Variants in GLIS3 observed in about 807,000 individuals in gnomAD.
GLIS3 encodes zinc finger protein GLIS3.
In GLIS3, 53 loss-of-function variants were observed where a neutral mutation model predicts 78.6. The ratio of observed to expected loss-of-function variants is 0.67; its 90% CI spans 0.54 to 0.85. GLIS3 has a LOEUF of 0.85. GLIS3 is among the 40% of genes least tolerant of loss of function. GLIS3 has a pLI of 0.00. For synonymous variants in GLIS3, 684 were observed against 509.9 expected (o/e 1.34, Z -4.60); for missense variants, 1,703 against 1,231.1 (o/e 1.38, Z -5.74).
intron 9 of GLIS3, among the ~76,000 whole-genome samples, chr9:3,830,782 C>G (rs2129955465): frequency 6.6e-6 from 1 of 152,270 alleles, no homozygotes; most frequent in African/African-American, 2.4e-5. Context: ...AAATGAACCA[C>G]CTATCAAAAG....
intron 1 of GLIS3, among the ~76,000 whole-genome samples, chr9:4,295,474 G>C (rs1816397281): frequency 6.6e-6 from 1 of 152,126 alleles, no homozygotes; most frequent in South Asian, 2.1e-4. Flanking sequence ...CAAATTATTT[G>C]ACCTAATAAA....
At chr9:4,334,122 G>C (rs1388385647) in intron 2 of GLIS3, among the ~76,000 whole-genome samples, 1 of 152,188 alleles carries the variant, frequency 6.6e-6, no homozygotes, top group African/African-American at 2.4e-5. Flanking sequence ...TTCTGACTGA[G>C]CAGTGAGATC....
At chr9:4,208,270 TA>T (rs1820057486) in intron 2 of GLIS3, among the ~76,000 whole-genome samples, 1 of 152,226 alleles carries the variant, frequency 6.6e-6, no homozygotes, top group South Asian at 2.1e-4. Context: ...GGAGATCTGA[TA>T]ATTAAGCGGC....
At chr9:3,958,323 G>A (rs1439233427) in intron 4 of GLIS3, among the ~76,000 whole-genome samples, 1 of 151,906 alleles carries the variant, frequency 6.6e-6, no homozygotes, top group African/African-American at 2.4e-5. Context: ...CTATGCCATG[G>A]GCCAGACGCT....
chr9:4,358,574 G>A, the GLIS3 span, among the ~76,000 whole-genome samples: 1 of 152,166 alleles, frequency 6.6e-6, no homozygotes, highest in South Asian at 2.1e-4. Flanking sequence ...GGCCCAAGAA[G>A]AGAAAATATT....
chr9:3,824,346 T>G lies in GLIS3; in HGVS notation c.*3926A>C, dbSNP rs961589585. ...CTCCCGCATCATCTGCCTTTAATTA[T>G]AATTACCATTCCCAGTATGTAAGAG... is the stretch of plus-strand genomic sequence containing the variant. On this transcript the variant is annotated 3_prime_UTR_variant, in exon 11 of 11. Transcript: ENST00000381971. 1.3e-5 allele frequency: 2 copies of G among 152,612 alleles called. No homozygotes were observed. The highest frequency in any genetic ancestry group is 6.5e-5 in the Admixed American group (1 of 15,290). 9.5% of individuals were successfully genotyped at this position (152,612 alleles called of 1,614,324 possible).
chr9:3,912,381 G>C (rs562238142), intron 6 of GLIS3, among the ~76,000 whole-genome samples: 2 of 152,246 alleles, frequency 1.3e-5, no homozygotes, highest in African/African-American at 4.8e-5. Context: ...AATGTAGCCA[G>C]TGTTCACCCT....
chr9:3,873,378 G>C (rs1042802821), intron 8 of GLIS3, among the ~76,000 whole-genome samples: 6 of 152,056 alleles, frequency 3.9e-5, no homozygotes, highest in Non-Finnish European at 8.8e-5. Context: ...AACAGGACAA[G>C]TGCGATTTAT....
At chr9:4,351,247 G>C (rs975077108), upstream of GLIS3, among the ~76,000 whole-genome samples, 16 of 152,006 alleles carry the variant, frequency 1.1e-4, 1 homozygote, top group Non-Finnish European at 1.5e-4. Flanking sequence ...TGTCTCAAAA[G>C]AAACAAACAA....
At chr9:4,348,526 C>T (rs983591729), upstream of GLIS3, 2 of 152,164 alleles carry the variant, frequency 1.3e-5, no homozygotes, top group African/African-American at 2.4e-5. Context: ...GGCCAGAACT[C>T]GGTCAATGGC....
At chr9:4,478,346 A>C in the GLIS3 span, among the ~76,000 whole-genome samples, 7 of 152,164 alleles carry the variant, frequency 4.6e-5, no homozygotes, top group East Asian at 7.7e-4. Flanking sequence ...AGTGGCTCAG[A>C]CCTGTATGTA....
intron 4 of GLIS3, among the ~76,000 whole-genome samples, chr9:4,100,540 A>G (rs1266003172): frequency 6.6e-6 from 1 of 152,202 alleles, no homozygotes; most frequent in Admixed American, 6.5e-5. Flanking sequence ...GAATAACCAA[A>G]TTCAAAAGGA....
chr9:4,349,422 G>A (rs529917905), upstream of GLIS3, among the ~76,000 whole-genome samples: 3 of 152,036 alleles, frequency 2.0e-5, no homozygotes, highest in East Asian at 3.9e-4. Flanking sequence ...TTGTATCCTG[G>A]CATGCACATT....
intron 4 of GLIS3, among the ~76,000 whole-genome samples, chr9:4,080,091 CA>C (rs1297771493): frequency 2.6e-5 from 4 of 152,236 alleles, no homozygotes; most frequent in African/African-American, 4.8e-5. Context: ...TTGTCAAATT[CA>C]ATGACTAACT....
intron 2 of GLIS3, among the ~76,000 whole-genome samples, chr9:4,169,094 T>C (rs1764312565): frequency 6.6e-6 from 1 of 152,166 alleles, no homozygotes; most frequent in Non-Finnish European, 1.5e-5. Flanking sequence ...TGTCTCTACA[T>C]TTTAGGAGTC....
At chr9:4,211,311 T>G (rs1306628716) in intron 2 of GLIS3, among the ~76,000 whole-genome samples, 1 of 152,240 alleles carries the variant, frequency 6.6e-6, no homozygotes, top group African/African-American at 2.4e-5. Context: ...TAATTCTCAC[T>G]GGATGGCTGT....
At chr9:4,007,728 C>T (rs934160236) in intron 4 of GLIS3, among the ~76,000 whole-genome samples, 1 of 152,230 alleles carries the variant, frequency 6.6e-6, no homozygotes, top group South Asian at 2.1e-4. Flanking sequence ...AGATCACACA[C>T]ACAAATGTAA....
chr9:4,118,231 C>T lies in GLIS3; in HGVS notation c.1247G>A (p.Gly416Asp), dbSNP rs1421994640. ...GLVNHMVVQHGLPGPDSQSAG... is the reference protein window; with the variant it reads ...GLVNHMVVQHDLPGPDSQSAG... Reference sequence around the variant, plus strand: ...CGACTGGCTGTCGGGGCCCGGCAGGCCATGCTGCACCACCATGTGGTTGAC... The same window carrying T: ...CGACTGGCTGTCGGGGCCCGGCAGGTCATGCTGCACCACCATGTGGTTGAC... The change falls in exon 4 of 11, where the codon GGC becomes GAC. Residue 416 changes from glycine to aspartate, a missense_variant. Physicochemically the swap from Gly to Asp is moderately conservative, Grantham distance 94. Coordinates refer to ENST00000381971, the MANE Select transcript of GLIS3 (RefSeq NM_001042413.2). The surrounding 1 kb of genome is among the most constrained non-coding windows in gnomAD (Gnocchi z 4.7). 5.0e-6 allele frequency: 8 copies of T among 1,587,660 alleles called. No individual in the cohort carries two copies. In the Admixed American group the frequency reaches 1.0e-4, roughly 21 times the overall value.
intron 2 of GLIS3, among the ~76,000 whole-genome samples, chr9:4,169,416 A>T (rs993781217): frequency 6.6e-6 from 1 of 152,232 alleles, no homozygotes; most frequent in African/African-American, 2.4e-5. Context: ...ATGAGGCAGA[A>T]AGAACACAGG....
Sources: gnomAD v4.1 joint callset for allele counts (sites outside exome capture counted in the v4.1 genomes callset) on GRCh38, gnomAD v4.1.1 for gene constraint, Gnocchi (gnomAD v3.1) non-coding constraint, MANE v1.5 for transcripts, NCBI Gene and HGNC (gene_info 2026-07-23, HGNC 2026-07-21) for gene names.